The following INPP5A variants were observed in gnomAD, a reference collection of about 807,000 sequenced individuals.
INPP5A encodes the protein 43 kDa inositol polyphosphate 5-phophatase.
INPP5A carries 14 observed loss-of-function variants against 65.2 expected under a neutral mutation model. The ratio of observed to expected loss-of-function variants is 0.21; its 90% CI spans 0.14 to 0.34. INPP5A has a LOEUF of 0.34. Among genes scored for constraint, INPP5A ranks in the 10% least tolerant of loss-of-function variants. The pLI is 1.00. For synonymous variants in INPP5A, 207 were observed against 208.3 expected, an observed-to-expected ratio of 0.99 and a Z score of 0.05; for missense variants, 431 against 545.6, an observed-to-expected ratio of 0.79 and a Z score of 2.09.
At position 132,749,795 on chromosome 10, in the gene INPP5A, C is replaced by G; in HGVS notation, c.853C>G (p.Leu285Val). ...RKVMLQLEKKLFDYFNQEVFR... is the reference protein window; with the variant it reads ...RKVMLQLEKKVFDYFNQEVFR... ...GGTTATGCTCCAGTTAGAAAAGAAA[C>G]TCTTCGACTACTTCAACCAGGAGGT... Residue 285 changes from leucine to valine, a missense_variant, in exon 11 of 16, where the codon CTC becomes GTC. Coordinates refer to ENST00000368594, the MANE Select transcript of INPP5A (RefSeq NM_005539.5). 1.2e-6 allele frequency: 2 copies of G among 1,613,252 alleles called. No individual in the cohort carries two copies. Among genetic ancestry groups the G allele is most frequent in the Non-Finnish European group, 1.7e-6 (2 of 1,180,004 alleles).
chr10:132,751,796 C>T (rs1462275309), intron 11 of INPP5A, among the ~76,000 whole-genome samples: 3 of 146,160 alleles, frequency 2.1e-5, no homozygotes, highest in Non-Finnish European at 3.0e-5. Flanking sequence ...AGGCAGGTGC[C>T]CAGGAGGTGT....
intron 12 of INPP5A, among the ~76,000 whole-genome samples, chr10:132,770,638 T>TG (rs1339031130): frequency 3.9e-5 from 6 of 152,402 alleles, no homozygotes; most frequent in Admixed American, 3.9e-4. Context: ...TTTGTCTATG[T>TG]GGGTTCCATC....
intron 1 of INPP5A, among the ~76,000 whole-genome samples, chr10:132,596,829 TTGTGTGCG>T (rs1486544875): frequency 1.4e-5 from 2 of 145,802 alleles, no homozygotes; most frequent in African/African-American, 5.0e-5. Context: ...ATGTGTTTGC[TTGTGTGCG>T]TGTGTGCATG....
chr10:132,774,276 G>C (rs1847006456), intron 12 of INPP5A, among the ~76,000 whole-genome samples: 1 of 152,222 alleles, frequency 6.6e-6, no homozygotes, highest in Non-Finnish European at 1.5e-5. Flanking sequence ...GCTTTGATGA[G>C]GTCCTGCTTG....
intron 4 of INPP5A, among the ~76,000 whole-genome samples, chr10:132,681,886 A>G (rs2073051597): frequency 6.6e-6 from 1 of 152,248 alleles, no homozygotes; most frequent in South Asian, 2.1e-4. Context: ...GGCAAGCACT[A>G]CAACATGGTG....
chr10:132,662,548 A>G lies in INPP5A; in HGVS notation c.306+12043A>G, dbSNP rs74161906. ...TATCATATTCTTAAAAATGCAAACA[A>G]GTCTGTAATGACAGAACACAGATAG... is the stretch of plus-strand genomic sequence containing the variant. On this transcript the variant is annotated intron_variant, in intron 4 of 15. Transcript: ENST00000368594. Among the ~76,000 whole-genome samples, 455 of 152,320 alleles carry G rather than the reference A, an allele frequency of 3.0e-3. 3 individuals are homozygous for G. The highest frequency in any genetic ancestry group is 0.01 in the African/African-American group (436 of 41,562).
Position 132,783,073 on chromosome 10 carries a change from G to C in INPP5A, c.*1044G>C, listed in dbSNP as rs749150890. 6.6e-6 allele frequency: 1 copy of C among 152,236 alleles called. No individual in the cohort carries two copies. Among genetic ancestry groups the C allele is most frequent in the Non-Finnish European group, 1.5e-5 (1 of 68,046 alleles). 9.4% of individuals were successfully genotyped at this position (152,236 alleles called of 1,614,324 possible). ...AAAAATATTAAAGAGAAACAAAACT[G>C]TACATTTCCTCATTGCTCCGCTACA... is the stretch of plus-strand genomic sequence containing the variant. On this transcript the variant is annotated 3_prime_UTR_variant, in exon 16 of 16. Coordinates refer to ENST00000368594, the MANE Select transcript of INPP5A (RefSeq NM_005539.5).
At chr10:132,720,557 C>T (rs1241838280) in intron 8 of INPP5A, among the ~76,000 whole-genome samples, 9 of 140,986 alleles carry the variant, frequency 6.4e-5, no homozygotes, top group African/African-American at 2.1e-4. Flanking sequence ...CGACTGTCTT[C>T]AGGGTTCTGT....
intron 4 of INPP5A, among the ~76,000 whole-genome samples, chr10:132,655,391 G>A (rs980040621): frequency 3.3e-5 from 5 of 152,166 alleles, no homozygotes; most frequent in African/African-American, 7.2e-5. Flanking sequence ...CACAGGCCTC[G>A]ACACTGAAGA....
At chr10:132,647,134 G>C (rs1223113340) in intron 3 of INPP5A, among the ~76,000 whole-genome samples, 1 of 87,972 alleles carries the variant, frequency 1.1e-5, no homozygotes, top group African/African-American at 4.5e-5. Flanking sequence ...TTTTTGTTTT[G>C]AGACGGAGTC....
At chr10:132,770,884 A>G (rs2134682472) in intron 12 of INPP5A, among the ~76,000 whole-genome samples, 2 of 152,166 alleles carry the variant, frequency 1.3e-5, no homozygotes, top group Middle Eastern at 6.8e-3. Context: ...CACCTTCCTC[A>G]GAATATGGCA....
At chr10:132,685,270 T>C (rs1406395192) in intron 4 of INPP5A, among the ~76,000 whole-genome samples, 2 of 152,196 alleles carry the variant, frequency 1.3e-5, no homozygotes, top group African/African-American at 4.8e-5. Flanking sequence ...CAGAATGCAG[T>C]GGCAGGCTCC....
At chr10:132,689,121 G>C (rs568915382) in intron 4 of INPP5A, among the ~76,000 whole-genome samples, 117 of 152,336 alleles carry the variant, frequency 7.7e-4, no homozygotes, top group Admixed American at 3.1e-3. Flanking sequence ...TGATACTCAG[G>C]CGTTGCCCTT....
chr10:132,699,220 C>A (rs560462340), intron 6 of INPP5A, among the ~76,000 whole-genome samples: 3 of 152,082 alleles, frequency 2.0e-5, no homozygotes, highest in African/African-American at 4.8e-5. Context: ...GCAGGCCCGT[C>A]GGAAGGGCAG....
intron 1 of INPP5A, among the ~76,000 whole-genome samples, chr10:132,563,983 G>A (rs1012532511): frequency 1.3e-5 from 2 of 152,150 alleles, no homozygotes; most frequent in Non-Finnish European, 2.9e-5. Context: ...GAACCGAGAG[G>A]CCCGGCCGCG....
intron 5 of INPP5A, among the ~76,000 whole-genome samples, chr10:132,691,502 G>A (rs1315239260): frequency 2.6e-5 from 4 of 152,266 alleles, no homozygotes. Context: ...CAAGGAGCTG[G>A]TGCGTCAGGC....
chr10:132,716,873 G>A (rs1398273378), intron 8 of INPP5A, among the ~76,000 whole-genome samples: 2 of 152,356 alleles, frequency 1.3e-5, no homozygotes, highest in East Asian at 1.9e-4. Context: ...CCCTCCTGCC[G>A]CCCTGCACGG....
At chr10:132,658,102 A>G (rs1590901860) in intron 4 of INPP5A, among the ~76,000 whole-genome samples, 1 of 152,268 alleles carries the variant, frequency 6.6e-6, no homozygotes, top group African/African-American at 2.4e-5. Flanking sequence ...GTGAAAAATA[A>G]TAACTCGGAT....
intron 3 of INPP5A, among the ~76,000 whole-genome samples, chr10:132,649,875 G>A (rs573544371): frequency 3.9e-5 from 6 of 152,178 alleles, no homozygotes; most frequent in Non-Finnish European, 8.8e-5. Context: ...AGGATGAACG[G>A]TCGGGGACAA....
Sources: gnomAD v4.1 joint callset for allele counts (sites outside exome capture counted in the v4.1 genomes callset) on GRCh38, gnomAD v4.1.1 for gene constraint, MANE v1.5 for transcripts, NCBI Gene and HGNC (gene_info 2026-07-23, HGNC 2026-07-21) for gene names.